The following KATNA1 variants were observed in gnomAD, a reference collection of about 807,000 sequenced individuals.
The protein encoded by KATNA1 is katanin p60 ATPase-containing subunit A1.
Under a neutral mutation model 62.6 loss-of-function variants are expected in KATNA1, and 42 were observed. The ratio of observed to expected loss-of-function variants is 0.67; its 90% CI spans 0.52 to 0.87. KATNA1 has a LOEUF of 0.87. KATNA1 is among the 40% of genes least tolerant of loss of function. The pLI is 0.00. For missense variants in KATNA1, 498 were observed against 612.5 expected (o/e 0.81, Z 1.97); for synonymous variants, 186 against 201.9 (o/e 0.92, Z 0.67).
chr6:149,609,584 C>T (rs866334505), intron 4 of KATNA1, among the ~76,000 whole-genome samples: 7 of 151,686 alleles, frequency 4.6e-5, no homozygotes, highest in Admixed American at 2.6e-4. Context: ...GTGGGTGGGT[C>T]ACGAAGTCAG....
chr6:149,639,252 T>C (rs1236806828), intron 1 of KATNA1, among the ~76,000 whole-genome samples: 5 of 151,868 alleles, frequency 3.3e-5, no homozygotes, highest in Admixed American at 6.6e-5. Flanking sequence ...TAGGCCAAGA[T>C]CGTGCCACTG....
At chr6:149,612,759 T>C (rs1053610694) in intron 4 of KATNA1, among the ~76,000 whole-genome samples, 3 of 152,066 alleles carry the variant, frequency 2.0e-5, no homozygotes, top group Admixed American at 1.3e-4. Flanking sequence ...TTACATACCA[T>C]GACCAAGTGA....
chr6:149,609,537 G>A (rs1304302063), intron 4 of KATNA1, among the ~76,000 whole-genome samples: 1 of 152,006 alleles, frequency 6.6e-6, no homozygotes, highest in Admixed American at 6.6e-5. Flanking sequence ...AGGCATGGTG[G>A]CTCAGGCCTG....
At chr6:149,625,671 C>T (rs559843233) in intron 3 of KATNA1, among the ~76,000 whole-genome samples, 2 of 151,552 alleles carry the variant, frequency 1.3e-5, no homozygotes, top group Admixed American at 6.6e-5. Flanking sequence ...CGGTGGCTCA[C>T]GCCTGTAATT....
At chr6:149,644,954 C>A (rs983518420) in intron 1 of KATNA1, among the ~76,000 whole-genome samples, 1 of 152,118 alleles carries the variant, frequency 6.6e-6, no homozygotes, top group Non-Finnish European at 1.5e-5. Context: ...AATTGTTAGC[C>A]GAAAATAATT....
chr6:149,601,291 A>AT (rs1778534041), intron 7 of KATNA1, among the ~76,000 whole-genome samples: 1 of 152,206 alleles, frequency 6.6e-6, no homozygotes, highest in Non-Finnish European at 1.5e-5. Flanking sequence ...TTATCATATT[A>AT]TAACTAAACC....
intron 4 of KATNA1, among the ~76,000 whole-genome samples, chr6:149,606,352 T>G (rs1243150827): frequency 3.3e-5 from 5 of 152,112 alleles, no homozygotes; most frequent in African/African-American, 1.2e-4. Context: ...CCAAGAAAAT[T>G]TATGAAGCCC....
chr6:149,625,019 A>G (rs891720807), intron 3 of KATNA1, among the ~76,000 whole-genome samples: 5 of 152,170 alleles, frequency 3.3e-5, no homozygotes, highest in Admixed American at 3.3e-4. Flanking sequence ...AGAAACAAAA[A>G]TGAGCTTAAT....
intron 4 of KATNA1, among the ~76,000 whole-genome samples, chr6:149,613,348 A>C (rs1351018510): frequency 1.3e-5 from 2 of 152,074 alleles, no homozygotes; most frequent in African/African-American, 4.8e-5. Context: ...TAAATATTTG[A>C]CATAGTACTG....
chr6:149,629,911 T>TA (rs1779766123), intron 3 of KATNA1, among the ~76,000 whole-genome samples: 2 of 152,118 alleles, frequency 1.3e-5, no homozygotes, highest in Non-Finnish European at 2.9e-5. Flanking sequence ...AAATTGGGGC[T>TA]AAAAAAATTA....
At chr6:149,633,497 G>C (rs1779935546) in intron 2 of KATNA1, among the ~76,000 whole-genome samples, 1 of 152,032 alleles carries the variant, frequency 6.6e-6, no homozygotes, top group Non-Finnish European at 1.5e-5. Flanking sequence ...TAGGGAGGCT[G>C]AGGTAGATGG....
At chr6:149,642,243 C>A (rs1313902653) in intron 1 of KATNA1, among the ~76,000 whole-genome samples, 1 of 152,140 alleles carries the variant, frequency 6.6e-6, no homozygotes, top group African/African-American at 2.4e-5. Context: ...AGCAATGATA[C>A]TAAGTATTGG....
intron 4 of KATNA1, among the ~76,000 whole-genome samples, chr6:149,611,721 C>T (rs1189607804): frequency 6.6e-6 from 1 of 152,058 alleles, no homozygotes; most frequent in East Asian, 1.9e-4. Context: ...GGAATATGGC[C>T]AGGCATGGTG....
chr6:149,597,491 A>ATT lies in KATNA1; in HGVS notation c.1150+14_1150+15dup. The stretch of plus-strand genomic sequence containing the variant: ...GAAAGTTAACAGGCTTTCTGACAAG[A>ATT]TTGAAAGGAAGATACCTGACGGCAA... On this transcript the variant is annotated intron_variant, in intron 9 of 10. Transcript: ENST00000367411. The ATT allele has an allele frequency of 6.2e-7, 1 of 1,610,816 alleles. No individual in the cohort carries two copies. Among genetic ancestry groups the ATT allele is most frequent in the Admixed American group, 1.7e-5 (1 of 59,172 alleles).
chr6:149,638,730 GTTTTTTTTT>G (rs1217719467), intron 1 of KATNA1, 170 bp from the exon 2 acceptor site: 3 of 98,898 alleles, frequency 3.0e-5, no homozygotes, highest in Admixed American at 1.7e-4. Context: ...AAAAAACATT[GTTTTTTTTT>G]TTTTTTTTTT....
rs563692453 is a variant in KATNA1, at chr6:149,634,715, T to C, written c.163-1799A>G. 3.3e-4 allele frequency among the ~76,000 whole-genome samples: 50 copies of C among 152,310 alleles called. No individual in the cohort carries two copies. In the South Asian group the frequency reaches 0.01, roughly 31 times the overall value. ...TCTGTTTAATTAACTTTTAAAATGC[T>C]GATTAATCCCAATTACCCTGATTTG... On this transcript the variant is annotated intron_variant, in intron 2 of 10. Transcript: ENST00000367411.
Position 149,630,929 on chromosome 6 carries a change from C to CTGATA in KATNA1, c.320+1829_320+1830insTATCA, listed in dbSNP as rs567417546. 6.7e-3 allele frequency among the ~76,000 whole-genome samples: 1,014 copies of CTGATA among 152,268 alleles called. 9 individuals carry two copies. The highest frequency in any genetic ancestry group is 0.023 in the African/African-American group (958 of 41,554). On this transcript the variant is annotated intron_variant, in intron 3 of 10. Coordinates refer to ENST00000367411, the MANE Select transcript of KATNA1 (RefSeq NM_007044.4). ...TATCTAGGTTCAAATCCTAGCTCTACCATTTATCAGTTTTGTGATAGTGGG... is the reference window on the plus strand; with the variant it reads ...TATCTAGGTTCAAATCCTAGCTCTACTGATACATTTATCAGTTTTGTGATAGTGGG...
chr6:149,647,722 C>A (rs1161870421), intron 1 of KATNA1, among the ~76,000 whole-genome samples: 1 of 152,080 alleles, frequency 6.6e-6, no homozygotes, highest in Non-Finnish European at 1.5e-5. Flanking sequence ...TCAGCAATAA[C>A]TAGAGGTCTA....
chr6:149,602,721 ATTTTT>A (rs563234607), intron 6 of KATNA1, among the ~76,000 whole-genome samples: 1 of 140,890 alleles, frequency 7.1e-6, no homozygotes. Flanking sequence ...GTGAATTCTA[ATTTTT>A]TTTTTTTTTT....
Sources: gnomAD v4.1 joint callset for allele counts (sites outside exome capture counted in the v4.1 genomes callset) on GRCh38, gnomAD v4.1.1 for gene constraint, MANE v1.5 for transcripts, NCBI Gene and HGNC (gene_info 2026-07-23, HGNC 2026-07-21) for gene names.